RFT1: variants seen among roughly 807,000 people sequenced by gnomAD.
RFT1 encodes RFT1 glycolipid translocator homolog.
Under a neutral mutation model 62.2 loss-of-function variants are expected in RFT1, and 43 were observed. The observed-to-expected ratio is 0.69, with a 90% CI of 0.54 to 0.89. The LOEUF (loss-of-function observed/expected upper bound fraction) is 0.89, where lower values mean the gene tolerates loss of function less well. Ranked by LOEUF, RFT1 falls within the 40% of genes least tolerant of loss-of-function variation. The pLI is 0.00. For synonymous variants in RFT1, 262 were observed against 264.6 expected (o/e 0.99, Z 0.10); for missense variants, 605 against 649.9 (o/e 0.93, Z 0.75).
At chr3:53,072,704 C>T in the RFT1 span, among the ~76,000 whole-genome samples, 2 of 152,348 alleles carry the variant, frequency 1.3e-5, no homozygotes, top group African/African-American at 2.4e-5. Context: ...GACTTTCGGA[C>T]GCATCGCAGC....
the RFT1 span, among the ~76,000 whole-genome samples, chr3:53,078,598 C>T: frequency 6.6e-6 from 1 of 152,016 alleles, no homozygotes; most frequent in African/African-American, 2.4e-5. Context: ...AAAAATTAGT[C>T]GGGTATGGTG....
At chr3:53,086,652 CTT>C (rs980338591), downstream of RFT1, among the ~76,000 whole-genome samples, 2 of 152,130 alleles carry the variant, frequency 1.3e-5, no homozygotes, top group African/African-American at 4.8e-5. Context: ...GTTTCATTGT[CTT>C]TGAGAAATTT....
At chr3:53,083,200 C>CA in the RFT1 span, among the ~76,000 whole-genome samples, 1,112 of 39,218 alleles carry the variant, frequency 0.028, 168 homozygotes, top group African/African-American at 0.11. Flanking sequence ...GATTCCATCT[C>CA]AAAAAAAAAA....
chr3:53,097,752 CAT>C (rs1035478875), intron 11 of RFT1, among the ~76,000 whole-genome samples: 17 of 152,248 alleles, frequency 1.1e-4, no homozygotes, highest in African/African-American at 4.8e-5. Context: ...CCTCATTTCA[CAT>C]GTTTCCAATT....
rs1476568329 is a variant in RFT1, at chr3:53,115,761, A to G, written c.697-3853T>C. 2.0e-5 allele frequency among the ~76,000 whole-genome samples: 3 copies of G among 152,224 alleles called. No homozygotes were observed. In the South Asian group the frequency reaches 6.2e-4, roughly 31 times the overall value. On this transcript the variant is annotated intron_variant, in intron 6 of 12. Transcript: ENST00000296292. ...AGCACAAAAGAAGCTTCCTCCGTGA[A>G]GCCTTCCTTGATGTTCCTAGATGGA...
intron 7 of RFT1, among the ~76,000 whole-genome samples, chr3:53,110,109 G>C (rs1701605004): frequency 6.6e-6 from 1 of 152,166 alleles, no homozygotes; most frequent in Non-Finnish European, 1.5e-5. Context: ...AGAGACATGT[G>C]TTGTCTGCAA....
At chr3:53,093,085 C>T (rs1055593831) in intron 11 of RFT1, among the ~76,000 whole-genome samples, 1 of 150,932 alleles carries the variant, frequency 6.6e-6, no homozygotes, top group Admixed American at 6.7e-5. Flanking sequence ...AGTAATTTGT[C>T]TCAAGAGTGA....
At chr3:53,085,245 C>T (rs759317566), downstream of RFT1, among the ~76,000 whole-genome samples, 21 of 152,212 alleles carry the variant, frequency 1.4e-4, no homozygotes, top group Non-Finnish European at 1.5e-4. Flanking sequence ...AATCACCCCA[C>T]GGTGAAGCCG....
At chr3:53,120,890 C>T (rs1464356694) in intron 5 of RFT1, among the ~76,000 whole-genome samples, 1 of 152,190 alleles carries the variant, frequency 6.6e-6, no homozygotes, top group Non-Finnish European at 1.5e-5. Flanking sequence ...GCCCATCATC[C>T]ACCAGCCTTC....
At chr3:53,085,254 C>T (rs528338925), downstream of RFT1, among the ~76,000 whole-genome samples, 15 of 152,282 alleles carry the variant, frequency 9.9e-5, no homozygotes, top group African/African-American at 2.6e-4. Context: ...ACGGTGAAGC[C>T]GGGAGAAGCA....
chr3:53,083,200 C>CAA, the RFT1 span, among the ~76,000 whole-genome samples: 21,364 of 39,022 alleles, frequency 0.55, 6,412 homozygotes, highest in East Asian at 0.7. Flanking sequence ...GATTCCATCT[C>CAA]AAAAAAAAAA....
chr3:53,121,986 T>C (rs561681407), intron 4 of RFT1, among the ~76,000 whole-genome samples, 186 bp from the exon 5 acceptor site: 3 of 152,194 alleles, frequency 2.0e-5, no homozygotes, highest in African/African-American at 4.8e-5. Context: ...TCTTTCAGTA[T>C]ATTATGCTTT....
At chr3:53,086,638 T>C (rs967635597), downstream of RFT1, among the ~76,000 whole-genome samples, 10 of 151,896 alleles carry the variant, frequency 6.6e-5, no homozygotes, top group Non-Finnish European at 1.2e-4. Flanking sequence ...TTCTAGTCCA[T>C]TGTGTTTCAT....
intron 10 of RFT1, among the ~76,000 whole-genome samples, chr3:53,102,003 C>T (rs930409226): frequency 6.6e-6 from 1 of 151,624 alleles, no homozygotes; most frequent in Non-Finnish European, 1.5e-5. Flanking sequence ...CACCACTGTA[C>T]TCCAGCCTGG....
intron 11 of RFT1, among the ~76,000 whole-genome samples, chr3:53,098,426 T>TTGAGACACTCCCTCCCCATC (rs1559582386): frequency 7.3e-6 from 1 of 136,278 alleles, no homozygotes; most frequent in African/African-American, 3.7e-5. Context: ...GGGTCCCCAT[T>TTGAGACACTCCCTCCCCATC]TGAGACACTC....
intron 7 of RFT1, among the ~76,000 whole-genome samples, chr3:53,108,958 C>T (rs1408370775): frequency 3.3e-5 from 5 of 152,102 alleles, no homozygotes; most frequent in South Asian, 2.1e-4. Context: ...CGTGAGCCAC[C>T]GTGCCGGGCC....
At chr3:53,122,686 A>G (rs1396438839) in intron 3 of RFT1, 123 bp from the exon 4 acceptor site, 1 of 515,500 alleles carries the variant, frequency 1.9e-6, no homozygotes, top group Admixed American at 4.0e-5. Context: ...TTTATAAGAT[A>G]CTAACTACAT....
chr3:53,108,911 C>T (rs1299437012), intron 7 of RFT1, among the ~76,000 whole-genome samples: 2 of 152,122 alleles, frequency 1.3e-5, no homozygotes, highest in Non-Finnish European at 2.9e-5. Context: ...TCAGATGATC[C>T]GCCCACCTTG....
chr3:53,113,487 C>T (rs984060510), intron 6 of RFT1, among the ~76,000 whole-genome samples: 24 of 152,312 alleles, frequency 1.6e-4, no homozygotes, highest in African/African-American at 5.8e-4. Flanking sequence ...TGGAAGTGGG[C>T]CCAAGGGCAG....
Sources: allele counts gnomAD v4.1 joint callset (sites outside exome capture counted in the v4.1 genomes callset), GRCh38; gene constraint gnomAD v4.1.1; transcripts MANE v1.5; gene names NCBI Gene and HGNC (gene_info 2026-07-23, HGNC 2026-07-21).